The following TSGA10 variants were observed in gnomAD, a reference collection of about 807,000 sequenced individuals.
The protein encoded by TSGA10 is testis-specific gene 10 protein.
In TSGA10, 43 loss-of-function variants were observed where a neutral mutation model predicts 96.6. The observed-to-expected ratio is 0.44, with a 90% CI of 0.35 to 0.57. The LOEUF is 0.57. TSGA10 is among the 20% of genes least tolerant of loss of function. The pLI, the probability that TSGA10 is intolerant of heterozygous loss-of-function variation, is 0.01. For missense variants in TSGA10, 703 were observed against 834.4 expected, an observed-to-expected ratio of 0.84 and a Z score of 1.94; for synonymous variants, 229 against 269.9, an observed-to-expected ratio of 0.85 and a Z score of 1.48.
chr2:99,141,412 C>T (rs2093548607), intron 1 of TSGA10: 1 of 188,638 alleles, frequency 5.3e-6, no homozygotes, highest in South Asian at 6.4e-5. Flanking sequence ...CCCCCAGGCC[C>T]GGTGCGCACG....
intron 2 of TSGA10, among the ~76,000 whole-genome samples, chr2:99,123,707 T>C (rs553377800): frequency 6.6e-6 from 1 of 152,358 alleles, no homozygotes; most frequent in African/African-American, 2.4e-5. Context: ...ATAATTTGCC[T>C]ATTCTAGGCA....
chr2:99,052,931 G>A (rs959343986), intron 16 of TSGA10, among the ~76,000 whole-genome samples: 14 of 151,024 alleles, frequency 9.3e-5, no homozygotes, highest in South Asian at 4.2e-4. Flanking sequence ...GCATAGTAGC[G>A]TGCACTTGTA....
At chr2:99,096,980 G>A (rs1038093561) in intron 10 of TSGA10, among the ~76,000 whole-genome samples, 1 of 152,110 alleles carries the variant, frequency 6.6e-6, no homozygotes, top group African/African-American at 2.4e-5. Context: ...AATGCATATA[G>A]AAACCATGCA....
chr2:99,121,088 T>C (rs922913106), intron 2 of TSGA10, among the ~76,000 whole-genome samples: 3 of 152,180 alleles, frequency 2.0e-5, no homozygotes, highest in Non-Finnish European at 4.4e-5. Flanking sequence ...ACTGGTTGTT[T>C]CCAGTTTGGG....
chr2:99,062,425 T>C (rs769923041), intron 16 of TSGA10, among the ~76,000 whole-genome samples: 3 of 152,190 alleles, frequency 2.0e-5, no homozygotes, highest in Non-Finnish European at 2.9e-5. Context: ...TCAAGTCCCC[T>C]GCACATTGGA....
rs530974809 is a variant in TSGA10 at position 99,124,142 on chromosome 2, T to A, written c.-492+2906A>T. On this transcript the variant is annotated intron_variant, in intron 2 of 20. Transcript: ENST00000393483. ...TTCACATCCTCACCAACACTTGTTA[T>A]TTTCCATTATAACAACCACCCTAAT... Among the ~76,000 whole-genome samples the A allele has an allele frequency of 1.1e-3, 167 of 152,358 alleles. 1 individual carries two copies. The highest frequency in any genetic ancestry group is 3.4e-3 in the Middle Eastern group (1 of 294).
chr2:99,061,864 C>A (rs1219698910), intron 16 of TSGA10, among the ~76,000 whole-genome samples: 5 of 152,108 alleles, frequency 3.3e-5, no homozygotes, highest in Non-Finnish European at 5.9e-5. Flanking sequence ...AGGATAGGAT[C>A]CTAATCCAAC....
chr2:99,118,487 A>G (rs2092399796), intron 3 of TSGA10, 64 bp downstream of exon 3: 1 of 589,690 alleles, frequency 1.7e-6, no homozygotes, highest in Non-Finnish European at 2.1e-6. Flanking sequence ...ACATATATAT[A>G]TACGTATATA....
In TSGA10 at chr2:99,116,891, A is replaced by G. The variant is rs543966280; in HGVS notation, c.-140+653T>C. Among the ~76,000 whole-genome samples the G allele has an allele frequency of 2.0e-5, 3 of 152,300 alleles. No individual in the cohort carries two copies. In the South Asian group the frequency reaches 6.2e-4, roughly 32 times the overall value. On this transcript the variant is annotated intron_variant, in intron 4 of 20. Transcript: ENST00000393483. ...ATTTCTTTGTTCTGGGAATACTCCA[A>G]ATCTTCTCTTTCAGCTATTTTTAAA...
At chr2:99,145,980 A>G (rs1194859963) in intron 1 of TSGA10, among the ~76,000 whole-genome samples, 1 of 152,118 alleles carries the variant, frequency 6.6e-6, no homozygotes, top group Non-Finnish European at 1.5e-5. Context: ...AAAAAAATGA[A>G]TTTTAAAAAT....
chr2:99,080,911 A>G (rs1485700010), intron 11 of TSGA10, among the ~76,000 whole-genome samples: 1 of 152,166 alleles, frequency 6.6e-6, no homozygotes, highest in African/African-American at 2.4e-5. Context: ...CTCGCTAGAC[A>G]TAACTAAACA....
At chr2:99,063,651 A>G (rs1452802723) in intron 16 of TSGA10, among the ~76,000 whole-genome samples, 1 of 151,888 alleles carries the variant, frequency 6.6e-6, no homozygotes, top group African/African-American at 2.4e-5. Context: ...AAATACAAAA[A>G]AAAAACTAGT....
At chr2:99,115,274 T>C (rs1453767850) in intron 4 of TSGA10, among the ~76,000 whole-genome samples, 3 of 152,026 alleles carry the variant, frequency 2.0e-5, no homozygotes, top group Non-Finnish European at 2.9e-5. Flanking sequence ...TGGAAATCAA[T>C]TTACCATTAA....
At chr2:99,075,837 GAT>G (rs1327225175) in intron 12 of TSGA10, among the ~76,000 whole-genome samples, 2 of 152,140 alleles carry the variant, frequency 1.3e-5, no homozygotes, top group South Asian at 2.1e-4. Flanking sequence ...GATTTTGAAA[GAT>G]GTGAAGAATT....
At chr2:99,129,819 G>C (rs1216617125) in intron 1 of TSGA10, among the ~76,000 whole-genome samples, 1 of 152,120 alleles carries the variant, frequency 6.6e-6, no homozygotes, top group African/African-American at 2.4e-5. Context: ...CCTGGTATAT[G>C]ATGTTCCCCT....
intron 10 of TSGA10, among the ~76,000 whole-genome samples, chr2:99,097,292 T>C (rs2090164258): frequency 6.6e-6 from 1 of 152,086 alleles, no homozygotes; most frequent in African/African-American, 2.4e-5. Context: ...GGATATTTTT[T>C]CTAACAGAAA....
At chr2:99,134,088 C>G (rs1326055067) in intron 1 of TSGA10, among the ~76,000 whole-genome samples, 7 of 152,132 alleles carry the variant, frequency 4.6e-5, no homozygotes, top group Non-Finnish European at 1.0e-4. Flanking sequence ...CGAGGAGTAT[C>G]TTTGTGGTGT....
At chr2:99,004,599 T>C (rs2078291195) in intron 20 of TSGA10, among the ~76,000 whole-genome samples, 1 of 151,938 alleles carries the variant, frequency 6.6e-6, no homozygotes, top group African/African-American at 2.4e-5. Flanking sequence ...CAGGAAGAAG[T>C]TGAATCTCTG....
intron 12 of TSGA10, among the ~76,000 whole-genome samples, chr2:99,077,911 G>C (rs1234821383): frequency 6.6e-6 from 1 of 152,010 alleles, no homozygotes; most frequent in Admixed American, 6.5e-5. Flanking sequence ...GTGGGATGGA[G>C]GTTATCATCC....
Sources: gnomAD v4.1 joint callset for allele counts (sites outside exome capture counted in the v4.1 genomes callset) on GRCh38, gnomAD v4.1.1 for gene constraint, MANE v1.5 for transcripts, NCBI Gene and HGNC (gene_info 2026-07-23, HGNC 2026-07-21) for gene names.